Variants in LTBP1 observed in about 807,000 individuals in gnomAD.
LTBP1 encodes latent-transforming growth factor beta-binding protein 1.
LTBP1 carries 129 observed loss-of-function variants against 207.6 expected under a neutral mutation model. The ratio of observed to expected loss-of-function variants is 0.62; its 90% CI spans 0.54 to 0.72. The LOEUF (loss-of-function observed/expected upper bound fraction) is 0.72. LTBP1 is among the 30% of genes least tolerant of loss of function. The probability of loss-of-function intolerance (pLI) is 0.00; values close to 1 mark genes in which losing one functional copy is unlikely to be tolerated. For missense variants in LTBP1, 2,281 were observed against 2,217.2 expected (o/e 1.03, Z -0.58); for synonymous variants, 963 against 833.7 (o/e 1.16, Z -2.67).
chr2:33,046,645 G>A (rs2076460973), intron 3 of LTBP1, among the ~76,000 whole-genome samples: 1 of 150,092 alleles, frequency 6.7e-6, no homozygotes, highest in Non-Finnish European at 1.5e-5. Flanking sequence ...TTAGGGAGGT[G>A]TCCCTCTTTT....
intron 5 of LTBP1, among the ~76,000 whole-genome samples, chr2:33,184,486 ATGT>A (rs957352620): frequency 1.3e-5 from 2 of 152,118 alleles, no homozygotes; most frequent in African/African-American, 4.8e-5. Flanking sequence ...GCACTTTCTG[ATGT>A]TGTCTGAATC....
intron 3 of LTBP1, among the ~76,000 whole-genome samples, chr2:33,096,628 C>T (rs1338821343): frequency 6.6e-6 from 1 of 152,048 alleles, no homozygotes; most frequent in Non-Finnish European, 1.5e-5. Context: ...TTGGTTTATT[C>T]TTAGAGTCAT....
intron 19 of LTBP1, among the ~76,000 whole-genome samples, chr2:33,289,938 G>A (rs1405271162): frequency 6.6e-6 from 1 of 152,132 alleles, no homozygotes; most frequent in African/African-American, 2.4e-5. Context: ...ATTTTGTGTT[G>A]CTGTAACGGA....
chr2:33,365,319 G>A lies in LTBP1; in HGVS notation c.4541-14G>A, dbSNP rs762061155. ...AACTGTGCGATTTTCATGGAACTAT[G>A]TCTTCCCTTTCAGAACAAATAGAAG... On this transcript the variant is annotated splice_polypyrimidine_tract_variant and intron_variant, in intron 30 of 33. Transcript: ENST00000404816. The A allele has an allele frequency of 1.2e-6, 2 of 1,613,116 alleles. No individual in the cohort carries two copies. Among genetic ancestry groups the A allele is most frequent in the South Asian group, 2.2e-5 (2 of 91,022 alleles).
chr2:32,988,418 A>T (rs1490787691), intron 2 of LTBP1, among the ~76,000 whole-genome samples: 2 of 152,124 alleles, frequency 1.3e-5, no homozygotes, highest in East Asian at 3.9e-4. Context: ...TTTCTACCAC[A>T]CTGAGCTCCT....
intron 2 of LTBP1, among the ~76,000 whole-genome samples, chr2:32,996,004 G>A (rs1685209963): frequency 6.6e-6 from 1 of 152,190 alleles, no homozygotes; most frequent in Non-Finnish European, 1.5e-5. Context: ...ATGCTATGTT[G>A]CTTTCCTATA....
chr2:33,115,168 A>G (rs1384968846), intron 4 of LTBP1, among the ~76,000 whole-genome samples: 6 of 152,128 alleles, frequency 3.9e-5, no homozygotes. Flanking sequence ...TCAGCCATAA[A>G]AAGGAATAAG....
In LTBP1 at chr2:33,398,370, A is replaced by G. The variant is rs780702616; in HGVS notation, c.4991A>G (p.Asn1664Ser). Residue 1664 changes from asparagine (N) to serine (S), a missense_variant, in exon 34 of 34, where the codon AAT (asparagine) becomes AGT (serine). This residue lies in a region of LTBP1 where 1,671 missense variants were observed against 1,634.8 expected (regional missense o/e 1.02). Transcript: ENST00000404816. ...DTAKMTCVDV[N>S]ECDELNNRMS... ...ATGGCTTGACTTATTGCAGATGTAA[A>G]TGAATGCGATGAGTTGAACAACCGG... 1 of 1,613,534 alleles carries G rather than the reference A, an allele frequency of 6.2e-7. No homozygotes were observed. Among genetic ancestry groups the G allele is most frequent in the South Asian group, 1.1e-5 (1 of 90,950 alleles).
At chr2:33,322,603 C>G (rs750822214) in intron 24 of LTBP1, among the ~76,000 whole-genome samples, 19 of 152,200 alleles carry the variant, frequency 1.2e-4, no homozygotes, top group Admixed American at 7.2e-4. Flanking sequence ...GTTCTTATTA[C>G]AAGCCAGGCA....
chr2:32,981,294 CTT>C (rs1682728341), intron 2 of LTBP1, among the ~76,000 whole-genome samples: 2 of 152,042 alleles, frequency 1.3e-5, no homozygotes, highest in South Asian at 4.2e-4. Context: ...TTTAGTATAA[CTT>C]ATAATTTTTC....
chr2:33,288,081 T>A (rs1451163107), intron 19 of LTBP1, among the ~76,000 whole-genome samples: 1 of 152,242 alleles, frequency 6.6e-6, no homozygotes, highest in Non-Finnish European at 1.5e-5. Flanking sequence ...TCTCAAGTGG[T>A]ACTCACTCAC....
intron 4 of LTBP1, among the ~76,000 whole-genome samples, chr2:33,117,915 AC>A (rs1417924921): frequency 7.2e-5 from 11 of 152,292 alleles, no homozygotes; most frequent in Admixed American, 7.2e-4. Flanking sequence ...GGTCCTGAGA[AC>A]TGTTGTGGCC....
At chr2:33,347,239 G>A in intron 25 of LTBP1, 128 bp from the exon 26 acceptor site, 5 of 939,348 alleles carry the variant, frequency 5.3e-6, no homozygotes, top group Non-Finnish European at 6.6e-6. Context: ...AGAGCAGAAG[G>A]GGTTTGACTG....
intron 5 of LTBP1, among the ~76,000 whole-genome samples, chr2:33,178,633 G>A (rs552813831): frequency 1.3e-5 from 2 of 152,308 alleles, no homozygotes; most frequent in African/African-American, 2.4e-5. Flanking sequence ...TTTGATAGGT[G>A]GCGATGGAAT....
chr2:33,017,766 A>G (rs1428962090), intron 2 of LTBP1, among the ~76,000 whole-genome samples: 8 of 152,146 alleles, frequency 5.3e-5, no homozygotes, highest in African/African-American at 1.9e-4. Context: ...AAAGGCACCC[A>G]CCAGTACGCC....
chr2:33,186,751 C>A, intron 5 of LTBP1, 105 bp from the exon 6 acceptor site: 1 of 804,890 alleles, frequency 1.2e-6, no homozygotes, highest in Non-Finnish European at 2.0e-6. Flanking sequence ...TCATGGGACT[C>A]TGATGCCTAT....
Position 33,252,116 on chromosome 2 carries a change from T to C in LTBP1, c.2000-561T>C, listed in dbSNP as rs894465220. 2.0e-5 allele frequency among the ~76,000 whole-genome samples: 3 copies of C among 152,198 alleles called. No homozygotes were observed. The South Asian group carries it at 6.2e-4, about 31-fold the overall frequency. On this transcript the variant is annotated intron_variant, in intron 10 of 33. Coordinates refer to ENST00000404816, the MANE Select transcript of LTBP1 (RefSeq NM_206943.4). ...CTGTCTGGCTAGAACAGGGGCCTTG[T>C]GTGGCACTCGAAATCAGAAACCACT...
At chr2:33,277,952 C>T (rs1460854808) in intron 18 of LTBP1, among the ~76,000 whole-genome samples, 1 of 151,100 alleles carries the variant, frequency 6.6e-6, no homozygotes. Flanking sequence ...GCCTCAGCCT[C>T]CTGAGTAGCT....
At chr2:33,343,167 C>G (rs528317071) in intron 25 of LTBP1, among the ~76,000 whole-genome samples, 103 of 151,984 alleles carry the variant, frequency 6.8e-4, no homozygotes, top group Middle Eastern at 3.4e-3. Flanking sequence ...TTTGGGAGGC[C>G]AAGGTTGGAG....
Sources: allele counts gnomAD v4.1 joint callset (sites outside exome capture counted in the v4.1 genomes callset), GRCh38; gene constraint gnomAD v4.1.1; regional missense constraint gnomAD v4.1.1; transcripts MANE v1.5; gene names NCBI Gene and HGNC (gene_info 2026-07-23, HGNC 2026-07-21).